The following KIAA0040 variants were observed in gnomAD, a reference collection of about 807,000 sequenced individuals.
The protein encoded by KIAA0040 is uncharacterized protein KIAA0040.
KIAA0040 carries 10 observed loss-of-function variants against 7.2 expected under a neutral mutation model. The observed-to-expected ratio is 1.38, with a 90% CI of 0.85 to 2.34. KIAA0040 has a LOEUF of 2.34. KIAA0040 is among the 30% of genes most tolerant of loss of function. KIAA0040 has a pLI of 0.00. For synonymous variants in KIAA0040, 49 were observed against 40.1 expected (o/e 1.22, Z -0.84); for missense variants, 89 against 108.2 (o/e 0.82, Z 0.79).
intron 2 of KIAA0040, among the ~76,000 whole-genome samples, chr1:175,170,140 G>A (rs951633522): frequency 3.3e-5 from 5 of 152,146 alleles, no homozygotes; most frequent in African/African-American, 1.2e-4. Flanking sequence ...CAGGACCTCC[G>A]GTAGCAGCAA....
chr1:175,173,919 C>A (rs1036916175), intron 2 of KIAA0040, among the ~76,000 whole-genome samples: 3 of 152,128 alleles, frequency 2.0e-5, no homozygotes, highest in African/African-American at 4.8e-5. Flanking sequence ...CCTTTGGTTT[C>A]GTATCAAATT....
chr1:175,189,811 T>C (rs920520719), intron 1 of KIAA0040, among the ~76,000 whole-genome samples: 14 of 151,018 alleles, frequency 9.3e-5, no homozygotes, highest in African/African-American at 3.2e-4. Context: ...TGGTGAGTAA[T>C]AATTATCCCC....
intron 2 of KIAA0040, among the ~76,000 whole-genome samples, chr1:175,170,785 C>T (rs1676959779): frequency 6.6e-6 from 1 of 152,112 alleles, no homozygotes; most frequent in South Asian, 2.1e-4. Context: ...GGTTCTGCTC[C>T]TCCCTCCCTC....
In KIAA0040 at chr1:175,158,459, C is replaced by T. The variant is rs900558012; in HGVS notation, c.*2255G>A. 1 of 152,154 alleles carries T rather than the reference C, an allele frequency of 6.6e-6. No homozygotes were observed. Among genetic ancestry groups the T allele is most frequent in the African/African-American group, 2.4e-5 (1 of 41,400 alleles). The allele number at this position is 152,154 out of a possible 1,614,324, so 9.4% of individuals were successfully genotyped here. On this transcript the variant is annotated 3_prime_UTR_variant, in exon 4 of 4. Coordinates refer to ENST00000423313, the MANE Select transcript of KIAA0040 (RefSeq NM_014656.3). ...ATGGTCCCGGATCCCGGTGATCCGC[C>T]CTCCTAGATCATATCTGACACTACG... is the stretch of plus-strand genomic sequence containing the variant.
chr1:175,165,471 C>T (rs1676722127), intron 3 of KIAA0040, among the ~76,000 whole-genome samples: 1 of 152,230 alleles, frequency 6.6e-6, no homozygotes, highest in South Asian at 2.1e-4. Context: ...TCCTTCCTCA[C>T]CTCCAAGCCA....
intron 3 of KIAA0040, 101 bp downstream of exon 3, chr1:175,166,461 G>A (rs1676768093): frequency 6.6e-6 from 1 of 152,188 alleles, no homozygotes; most frequent in Non-Finnish European, 1.5e-5. Flanking sequence ...GGGAATAATT[G>A]AATAAGCAAG....
chr1:175,157,215 C>T lies in KIAA0040; in HGVS notation c.*3499G>A, dbSNP rs1425189684. 6.6e-6 allele frequency: 1 copy of T among 152,212 alleles called. No homozygotes were observed. The highest frequency in any genetic ancestry group is 1.9e-4 in the East Asian group (1 of 5,194). The allele number at this position is 152,212 out of a possible 1,614,324, so 9.4% of individuals were successfully genotyped here. On this transcript the variant is annotated 3_prime_UTR_variant, in exon 4 of 4. Transcript: ENST00000423313. ...TCCTTAGGTTTTTGCTATTTCCCCC[C>T]TTTTCCTTTAAGAAGCCATTGATGG...
chr1:175,181,006 G>A (rs970866361), intron 1 of KIAA0040, among the ~76,000 whole-genome samples: 1 of 152,060 alleles, frequency 6.6e-6, no homozygotes, highest in Non-Finnish European at 1.5e-5. Context: ...CACCACATCT[G>A]CCTAATTTAT....
At chr1:175,188,452 A>G (rs1477681283) in intron 1 of KIAA0040, among the ~76,000 whole-genome samples, 1 of 152,128 alleles carries the variant, frequency 6.6e-6, no homozygotes, top group Non-Finnish European at 1.5e-5. Context: ...CTATCATGCT[A>G]CTGTCTTTAT....
intron 3 of KIAA0040, among the ~76,000 whole-genome samples, chr1:175,165,847 G>A (rs973950237): frequency 3.0e-4 from 45 of 152,196 alleles, no homozygotes; most frequent in African/African-American, 6.3e-4. Context: ...TGTTCCTTCC[G>A]GTGCTCTCCA....
At chr1:175,178,121 C>A (rs1403354088) in intron 1 of KIAA0040, among the ~76,000 whole-genome samples, 1 of 152,218 alleles carries the variant, frequency 6.6e-6, no homozygotes, top group Non-Finnish European at 1.5e-5. Flanking sequence ...TACAACCAGG[C>A]CAGCCCCTTC....
chr1:175,170,153 T>A (rs942882976), intron 2 of KIAA0040, among the ~76,000 whole-genome samples: 1 of 151,990 alleles, frequency 6.6e-6, no homozygotes. Flanking sequence ...AGCAGCAACA[T>A]TAAGGGTGAG....
At chr1:175,183,444 A>G (rs760922767) in intron 1 of KIAA0040, among the ~76,000 whole-genome samples, 1 of 152,156 alleles carries the variant, frequency 6.6e-6, no homozygotes, top group Non-Finnish European at 1.5e-5. Context: ...AAGCTCTCAT[A>G]CTTATGCAAG....
intron 1 of KIAA0040, among the ~76,000 whole-genome samples, chr1:175,187,447 A>AGG (rs1677704861): frequency 6.6e-6 from 1 of 152,172 alleles, no homozygotes; most frequent in Admixed American, 6.5e-5. Context: ...TCACATGCAG[A>AGG]GGGGCTTTTG....
chr1:175,192,080 G>A (rs1268681366), intron 1 of KIAA0040, among the ~76,000 whole-genome samples: 2 of 152,186 alleles, frequency 1.3e-5, no homozygotes, highest in African/African-American at 4.8e-5. Context: ...GTGGGATGGG[G>A]GGTCTGGGGG....
chr1:175,191,254 T>C (rs983177961), intron 1 of KIAA0040, among the ~76,000 whole-genome samples: 1 of 152,258 alleles, frequency 6.6e-6, no homozygotes, highest in African/African-American at 2.4e-5. Context: ...TGCATCTCCC[T>C]CTTTGGTGAA....
intron 3 of KIAA0040, among the ~76,000 whole-genome samples, chr1:175,164,244 CT>C (rs1676664515): frequency 6.6e-6 from 1 of 152,198 alleles, no homozygotes; most frequent in Non-Finnish European, 1.5e-5. Context: ...TTCTTTAAAT[CT>C]CCTTATCCGT....
At chr1:175,175,213 CTCCCA>C (rs1340441814) in intron 2 of KIAA0040, among the ~76,000 whole-genome samples, 3 of 152,210 alleles carry the variant, frequency 2.0e-5, no homozygotes, top group African/African-American at 7.2e-5. Flanking sequence ...CATTCAGGGT[CTCCCA>C]CACAGGTAGT....
In KIAA0040 at chr1:175,159,663, C is replaced by A. The variant is rs552303337; in HGVS notation, c.*1051G>T. The A allele has an allele frequency of 9.8e-5, 15 of 152,356 alleles. No individual in the cohort carries two copies. The East Asian group carries it at 2.7e-3, about 27-fold the overall frequency. The allele number at this position is 152,356 out of a possible 1,614,324, so 9.4% of individuals were successfully genotyped here. A position where few individuals can be genotyped will look rare whatever the true frequency, so the allele number is the denominator to read the frequency against. ...TCTGTGAGACTGCACTGATGATTGT[C>A]TAGTTCCTTCCCTGCTGGAAACTTT... is the stretch of plus-strand genomic sequence containing the variant. On this transcript the variant is annotated 3_prime_UTR_variant, in exon 4 of 4. Coordinates refer to ENST00000423313, the MANE Select transcript of KIAA0040 (RefSeq NM_014656.3).
Sources: gnomAD v4.1 joint callset for allele counts (sites outside exome capture counted in the v4.1 genomes callset) on GRCh38, gnomAD v4.1.1 for gene constraint, MANE v1.5 for transcripts, NCBI Gene and HGNC (gene_info 2026-07-23, HGNC 2026-07-21) for gene names.